BCAS3: variants seen among roughly 807,000 people sequenced by gnomAD.
BCAS3 encodes the protein BCAS3 microtubule associated cell migration factor.
BCAS3 carries 53 observed loss-of-function variants against 116.1 expected under a neutral mutation model. The observed-to-expected ratio is 0.46, with a 90% CI of 0.37 to 0.57. BCAS3 has a LOEUF of 0.57. Among genes scored for constraint, BCAS3 ranks in the 20% least tolerant of loss-of-function variants. BCAS3 has a pLI of 0.00. For synonymous variants in BCAS3, 391 were observed against 408.2 expected (o/e 0.96, Z 0.51); for missense variants, 917 against 1,165.4 (o/e 0.79, Z 3.10).
At chr17:61,047,681 TCAGTAAATACCAAC>T (rs2143153859) in intron 19 of BCAS3, among the ~76,000 whole-genome samples, 1 of 152,052 alleles carries the variant, frequency 6.6e-6, no homozygotes, top group South Asian at 2.1e-4. Context: ...ATAGAACATA[TCAGTAAATACCAAC>T]CAGCTTTGAA....
chr17:61,248,498 C>G lies in BCAS3; in HGVS notation c.2426-119829C>G, dbSNP rs561801200. ...CTAAGTCCCAGCCTGGCATGAATTC[C>G]CAGAGAGCCTTGGGCCTTGGGAGGA... On this transcript the variant is annotated intron_variant, in intron 22 of 23. Transcript: ENST00000407086. This position sits in a 1 kb window ranked among gnomAD's most constrained non-coding sequence, Gnocchi z 4.3. Among the ~76,000 whole-genome samples, 160 of 152,230 alleles carry G rather than the reference C, an allele frequency of 1.1e-3. No individual in the cohort carries two copies. Among genetic ancestry groups the G allele is most frequent in the Non-Finnish European group, 1.4e-3 (98 of 68,010 alleles).
intron 7 of BCAS3, chr17:60,811,280 G>C: frequency 1.1e-6 from 1 of 920,234 alleles, no homozygotes. Flanking sequence ...GAACATCAAG[G>C]TCAAGCTGGA....
chr17:60,839,488 C>T lies in BCAS3; in HGVS notation c.477-29088C>T, dbSNP rs533830139. 9.9e-5 allele frequency among the ~76,000 whole-genome samples: 15 copies of T among 152,120 alleles called. No homozygotes were observed. The South Asian group carries it at 1.2e-3, about 13-fold the overall frequency. On this transcript the variant is annotated intron_variant, in intron 7 of 23. Coordinates refer to ENST00000407086, the MANE Select transcript of BCAS3 (RefSeq NM_017679.5). Reference sequence around the variant, plus strand: ...ACCTCTCTATAAGTTGTGCGAGTGTCGGAAGGTTTCATAACCCAGTGTTTA... The same window carrying T: ...ACCTCTCTATAAGTTGTGCGAGTGTTGGAAGGTTTCATAACCCAGTGTTTA...
chr17:60,808,113 A>G (rs762497525), intron 7 of BCAS3, 37 bp downstream of exon 7: 3 of 1,341,260 alleles, frequency 2.2e-6, no homozygotes, highest in Admixed American at 1.8e-5. Flanking sequence ...ATCACCTATT[A>G]CAAATTTATA....
chr17:61,202,452 T>A (rs2080894872), intron 22 of BCAS3, among the ~76,000 whole-genome samples: 1 of 152,116 alleles, frequency 6.6e-6, no homozygotes, highest in African/African-American at 2.4e-5. Context: ...CTTAACACTC[T>A]CAACAAAGAG....
chr17:60,971,652 C>T (rs1237096376), intron 14 of BCAS3, among the ~76,000 whole-genome samples: 2 of 152,164 alleles, frequency 1.3e-5, no homozygotes, highest in Non-Finnish European at 2.9e-5. Context: ...CTCTGTGAAT[C>T]CAGTGCCTCT....
intron 10 of BCAS3, among the ~76,000 whole-genome samples, chr17:60,901,538 C>G (rs1418504040): frequency 6.6e-6 from 1 of 152,088 alleles, no homozygotes; most frequent in Non-Finnish European, 1.5e-5. Context: ...TCTATTTAAG[C>G]AGTCATTCAG....
rs568926306 is a variant in BCAS3 at position 61,349,528 on chromosome 17, A to G, written c.2426-18799A>G. On this transcript the variant is annotated intron_variant, in intron 22 of 23. Transcript: ENST00000407086. This position sits in a 1 kb window ranked among gnomAD's most constrained non-coding sequence, Gnocchi z 4.7. ...CAGCTCTGCTTCTCCGAAAGCTTTT[A>G]GACCAGAGCCCCTCACTGCCCCCTG... Among the ~76,000 whole-genome samples, 1 of 152,318 alleles carries G rather than the reference A, an allele frequency of 6.6e-6. No homozygotes were observed. Among genetic ancestry groups the G allele is most frequent in the South Asian group, 2.1e-4 (1 of 4,822 alleles).
intron 22 of BCAS3, among the ~76,000 whole-genome samples, chr17:61,284,538 C>T (rs546965737): frequency 1.1e-4 from 17 of 152,302 alleles, no homozygotes; most frequent in African/African-American, 4.1e-4. Context: ...ATCAGCCAGA[C>T]CCAAGAACCC....
At chr17:61,121,601 A>G (rs916532224) in intron 22 of BCAS3, among the ~76,000 whole-genome samples, 38 of 152,258 alleles carry the variant, frequency 2.5e-4, no homozygotes, top group African/African-American at 9.2e-4. Flanking sequence ...CGAAGGAAAC[A>G]GATCAAATTG....
chr17:60,958,318 A>C (rs1354021755), intron 14 of BCAS3, among the ~76,000 whole-genome samples: 1 of 152,232 alleles, frequency 6.6e-6, no homozygotes, highest in African/African-American at 2.4e-5. Flanking sequence ...CAAAAATGAC[A>C]TGATTGTCTA....
At chr17:60,799,947 C>T (rs1447426812) in intron 6 of BCAS3, among the ~76,000 whole-genome samples, 5 of 151,638 alleles carry the variant, frequency 3.3e-5, no homozygotes, top group South Asian at 2.1e-4. Context: ...TTTTTAATTT[C>T]GATTAGTATT....
At chr17:60,856,187 G>A (rs1333961971) in intron 7 of BCAS3, among the ~76,000 whole-genome samples, 4 of 152,114 alleles carry the variant, frequency 2.6e-5, no homozygotes, top group Non-Finnish European at 5.9e-5. Flanking sequence ...TAAAGCAAAT[G>A]CCTATGACTC....
intron 22 of BCAS3, among the ~76,000 whole-genome samples, chr17:61,085,213 C>G (rs1391648189): frequency 6.6e-6 from 1 of 152,198 alleles, no homozygotes. Flanking sequence ...TTTCTCGTCT[C>G]TAAGTCAAGT....
rs1228502168 is a variant in BCAS3 at position 61,067,271 on chromosome 17, GTGTATA to G, written c.2030-7647_2030-7642del. Among the ~76,000 whole-genome samples, 363 of 55,120 alleles carry G rather than the reference GTGTATA, an allele frequency of 6.6e-3. 13 individuals are homozygous for G. Among genetic ancestry groups the G allele is most frequent in the African/African-American group, 0.026 (353 of 13,410 alleles). The allele number at this position is 55,120 out of a possible 152,430, so 36.2% of individuals were successfully genotyped here. On this transcript the variant is annotated intron_variant, in intron 19 of 23. Transcript: ENST00000407086. ...TTCATAACTTTATTTATGTGTGTAT[GTGTATA>G]TATATATATATATATATATATATAT...
At chr17:60,698,791 C>T (rs1323688863) in intron 4 of BCAS3, among the ~76,000 whole-genome samples, 1 of 151,968 alleles carries the variant, frequency 6.6e-6, no homozygotes, top group East Asian at 1.9e-4. Flanking sequence ...CACAGTGGCT[C>T]ACGCCTGTAA....
Position 61,327,474 on chromosome 17 carries a change from T to G in BCAS3, c.2426-40853T>G, listed in dbSNP as rs1475608874. 6.6e-6 allele frequency among the ~76,000 whole-genome samples: 1 copy of G among 152,034 alleles called. No homozygotes were observed. Among genetic ancestry groups the G allele is most frequent in the African/African-American group, 2.4e-5 (1 of 41,398 alleles). Reference sequence around the variant, plus strand: ...TTGAGGGTTAGATAACAGGCAAGTATGTGGAGATGAGGGAGCAAATAGAAA... The same window carrying G: ...TTGAGGGTTAGATAACAGGCAAGTAGGTGGAGATGAGGGAGCAAATAGAAA... On this transcript the variant is annotated intron_variant, in intron 22 of 23. Coordinates refer to ENST00000407086, the MANE Select transcript of BCAS3 (RefSeq NM_017679.5). This position sits in a 1 kb window ranked among gnomAD's most constrained non-coding sequence, Gnocchi z 5.9.
At chr17:60,897,098 T>G (rs1372793837) in intron 10 of BCAS3, among the ~76,000 whole-genome samples, 2 of 152,218 alleles carry the variant, frequency 1.3e-5, no homozygotes, top group Non-Finnish European at 2.9e-5. Context: ...AGGGTCAATA[T>G]AGTGATAATG....
intron 10 of BCAS3, among the ~76,000 whole-genome samples, chr17:60,898,954 G>A (rs1267370124): frequency 6.6e-6 from 1 of 152,076 alleles, no homozygotes; most frequent in African/African-American, 2.4e-5. Flanking sequence ...CAGACCCCCT[G>A]GAGGAGTGCT....
Sources: gnomAD v4.1 joint callset for allele counts (sites outside exome capture counted in the v4.1 genomes callset) on GRCh38, gnomAD v4.1.1 for gene constraint, Gnocchi (gnomAD v3.1) non-coding constraint, MANE v1.5 for transcripts, NCBI Gene and HGNC (gene_info 2026-07-23, HGNC 2026-07-21) for gene names.